MTSS1: variants seen among roughly 807,000 people sequenced by gnomAD.
MTSS1 encodes MTSS I-BAR domain containing 1.
In MTSS1, 18 loss-of-function variants were observed where a neutral mutation model predicts 79.0. The observed-to-expected ratio is 0.23, with a 90% CI of 0.16 to 0.34. The LOEUF (loss-of-function observed/expected upper bound fraction) is 0.34, where lower values mean the gene tolerates loss of function less well. MTSS1 is among the 10% of genes least tolerant of loss of function. The pLI, the probability that MTSS1 is intolerant of heterozygous loss-of-function variation, is 1.00. For synonymous variants in MTSS1, 341 were observed against 368.6 expected, an observed-to-expected ratio of 0.93 and a Z score of 0.86; for missense variants, 815 against 986.2, an observed-to-expected ratio of 0.83 and a Z score of 2.33.
chr8:124,693,626 T>C (rs938976075), intron 3 of MTSS1, among the ~76,000 whole-genome samples: 4 of 152,252 alleles, frequency 2.6e-5, no homozygotes, highest in East Asian at 1.9e-4. Context: ...CAGCCTTCGA[T>C]GCCTGTCCTA....
At chr8:124,703,453 C>A (rs1829983942) in intron 2 of MTSS1, among the ~76,000 whole-genome samples, 1 of 152,242 alleles carries the variant, frequency 6.6e-6, no homozygotes, top group Middle Eastern at 3.4e-3. Flanking sequence ...TCACCATGCC[C>A]AGCTAATTTT....
At chr8:124,668,103 C>A (rs1823454276) in intron 3 of MTSS1, among the ~76,000 whole-genome samples, 1 of 152,046 alleles carries the variant, frequency 6.6e-6, no homozygotes, top group Non-Finnish European at 1.5e-5. Context: ...CAAAAAAAGT[C>A]TCCAAGGCTT....
intron 3 of MTSS1, among the ~76,000 whole-genome samples, chr8:124,656,890 AG>A (rs942974307): frequency 2.6e-5 from 4 of 152,162 alleles, no homozygotes; most frequent in African/African-American, 9.7e-5. Context: ...GGATAGAGGA[AG>A]CTGTTAAATG....
At chr8:124,697,253 T>TAA (rs10693846) in intron 3 of MTSS1, among the ~76,000 whole-genome samples, 240 of 146,238 alleles carry the variant, frequency 1.6e-3, no homozygotes, top group African/African-American at 1.6e-3. Context: ...TAGAGCAGCT[T>TAA]AAAAAAAAAA....
intron 12 of MTSS1, 86 bp from the exon 13 acceptor site, chr8:124,555,990 G>A: frequency 1.3e-6 from 2 of 1,564,230 alleles, no homozygotes; most frequent in Middle Eastern, 1.7e-4. Context: ...AGCACTACAT[G>A]TCTGTGGGGC....
chr8:124,602,482 G>C (rs989029772), intron 3 of MTSS1, among the ~76,000 whole-genome samples: 1 of 152,038 alleles, frequency 6.6e-6, no homozygotes, highest in Non-Finnish European at 1.5e-5. Context: ...TTACAGATGT[G>C]AGCCACCATG....
intron 8 of MTSS1, chr8:124,566,309 C>T (rs983110471): frequency 2.0e-5 from 3 of 152,936 alleles, no homozygotes; most frequent in Non-Finnish European, 4.4e-5. Flanking sequence ...TAAGGTCCAC[C>T]TTTCATTCAC....
intron 5 of MTSS1, among the ~76,000 whole-genome samples, 177 bp downstream of exon 5, chr8:124,589,443 T>G (rs528697012): frequency 6.6e-6 from 1 of 152,316 alleles, no homozygotes; most frequent in East Asian, 1.9e-4. Context: ...CACAACGGGA[T>G]CACTTTGTTC....
In MTSS1 at chr8:124,718,988, A is replaced by T. The variant is rs555993793; in HGVS notation, c.72+8896T>A. On this transcript the variant is annotated intron_variant, in intron 1 of 13. Transcript: ENST00000518547. ...TGAGTCTAGATTTTTGTGTGTTCTTATCTGTCTCATCCTGAGTCCTAATGG... is the reference window on the plus strand; with the variant it reads ...TGAGTCTAGATTTTTGTGTGTTCTTTTCTGTCTCATCCTGAGTCCTAATGG... Among the ~76,000 whole-genome samples, 345 of 152,268 alleles carry T rather than the reference A, an allele frequency of 2.3e-3. 2 individuals are homozygous for T. The highest frequency in any genetic ancestry group is 6.9e-3 in the African/African-American group (285 of 41,566).
At chr8:124,662,382 A>G (rs73343980) in intron 3 of MTSS1, among the ~76,000 whole-genome samples, 4,902 of 152,264 alleles carry the variant, frequency 0.032, 276 homozygotes, top group African/African-American at 0.11. Context: ...TAGATGTTCA[A>G]TAAATACTTC....
intron 3 of MTSS1, among the ~76,000 whole-genome samples, chr8:124,686,034 A>G (rs1044504829): frequency 1.3e-5 from 2 of 152,220 alleles, no homozygotes; most frequent in Non-Finnish European, 2.9e-5. Context: ...GCCTGGGTTT[A>G]CAATTTATAA....
At chr8:124,619,007 T>A (rs1316306325) in intron 3 of MTSS1, among the ~76,000 whole-genome samples, 1 of 152,232 alleles carries the variant, frequency 6.6e-6, no homozygotes, top group Non-Finnish European at 1.5e-5. Flanking sequence ...TGTACGTGGT[T>A]AACGGCAGGT....
At chr8:124,651,467 G>T (rs968701924) in intron 3 of MTSS1, among the ~76,000 whole-genome samples, 75 of 151,614 alleles carry the variant, frequency 4.9e-4, no homozygotes, top group Middle Eastern at 3.4e-3. Context: ...TTTTTGGTGG[G>T]GGGGGAGGGG....
intron 3 of MTSS1, among the ~76,000 whole-genome samples, chr8:124,682,550 C>G (rs959307237): frequency 2.6e-5 from 4 of 152,224 alleles, no homozygotes; most frequent in African/African-American, 9.6e-5. Flanking sequence ...CTCTAGCCTA[C>G]AGCCTCCATT....
At chr8:124,617,739 T>C (rs1812677949) in intron 3 of MTSS1, among the ~76,000 whole-genome samples, 4 of 152,104 alleles carry the variant, frequency 2.6e-5, no homozygotes, top group Admixed American at 2.0e-4. Flanking sequence ...ACCTCAGAGA[T>C]CCAAGAAAGT....
rs111596471 is a variant in MTSS1 at position 124,602,032 on chromosome 8, C to T, written c.209-10797G>A. 5.3e-3 allele frequency among the ~76,000 whole-genome samples: 801 copies of T among 151,684 alleles called. 4 individuals carry two copies. Among genetic ancestry groups the T allele is most frequent in the African/African-American group, 0.019 (774 of 41,190 alleles). ...TTCAATCATGATGCCCTAGCTAAGA[C>T]AATGCTTTACCCAAAGATTTCGACC... On this transcript the variant is annotated intron_variant, in intron 3 of 13. Transcript: ENST00000518547.
intron 3 of MTSS1, among the ~76,000 whole-genome samples, chr8:124,666,792 G>A (rs1823176515): frequency 1.3e-5 from 2 of 152,110 alleles, no homozygotes; most frequent in Admixed American, 1.3e-4. Context: ...GGCAGATAGT[G>A]AGCTTTATCA....
intron 3 of MTSS1, among the ~76,000 whole-genome samples, chr8:124,601,647 A>T (rs1833838395): frequency 6.6e-6 from 1 of 152,206 alleles, no homozygotes. Context: ...GGCGGGCTGG[A>T]GGACTGCCCG....
At chr8:124,644,597 T>TAG (rs1236940487) in intron 3 of MTSS1, among the ~76,000 whole-genome samples, 2 of 152,250 alleles carry the variant, frequency 1.3e-5, no homozygotes, top group Non-Finnish European at 2.9e-5. Context: ...TTTTGCTAAA[T>TAG]AGTACTGGTG....
Sources: allele counts gnomAD v4.1 joint callset (sites outside exome capture counted in the v4.1 genomes callset), GRCh38; gene constraint gnomAD v4.1.1; transcripts MANE v1.5; gene names NCBI Gene and HGNC (gene_info 2026-07-23, HGNC 2026-07-21).